Variants in RBFOX1 observed in about 807,000 individuals in gnomAD.
The protein encoded by RBFOX1 is RNA binding protein fox-1 homolog 1.
A neutral mutation model predicts 57.7 loss-of-function variants in RBFOX1; 8 were observed. The observed-to-expected ratio is 0.14, with a 90% CI of 0.08 to 0.25. The LOEUF (loss-of-function observed/expected upper bound fraction) is 0.25. Among genes scored for constraint, RBFOX1 ranks in the 10% least tolerant of loss-of-function variants. The pLI is 1.00. For missense variants in RBFOX1, 611 were observed against 548.5 expected, an observed-to-expected ratio of 1.11 and a Z score of -1.14; for synonymous variants, 326 against 222.4, an observed-to-expected ratio of 1.47 and a Z score of -4.15.
intron 4 of RBFOX1, among the ~76,000 whole-genome samples, chr16:7,448,127 C>T (rs9922995): frequency 0.012 from 1,786 of 152,346 alleles, 42 homozygotes; most frequent in African/African-American, 0.041. Flanking sequence ...GGATGAATGG[C>T]AGCTGCCAAG....
intron 4 of RBFOX1, among the ~76,000 whole-genome samples, chr16:5,886,868 A>G (rs536399055): frequency 4.9e-4 from 75 of 152,348 alleles, no homozygotes; most frequent in African/African-American, 1.8e-3. Context: ...AGCCTGGGCA[A>G]CGGAGTGAGA....
At chr16:6,274,944 A>G (rs1053066355) in intron 1 of RBFOX1, among the ~76,000 whole-genome samples, 2 of 152,204 alleles carry the variant, frequency 1.3e-5, no homozygotes, top group East Asian at 3.8e-4. Flanking sequence ...CATTCTGGAC[A>G]ACAGAGTGAG....
intron 3 of RBFOX1, among the ~76,000 whole-genome samples, chr16:5,856,290 C>T (rs955771876): frequency 0.2 from 6,196 of 30,818 alleles, 929 homozygotes; most frequent in Admixed American, 0.37. Context: ...TATATACACA[C>T]ACACACACAC....
chr16:7,680,217 G>A (rs926059959), intron 14 of RBFOX1, among the ~76,000 whole-genome samples: 4 of 152,166 alleles, frequency 2.6e-5, no homozygotes, highest in African/African-American at 9.7e-5. Flanking sequence ...TTGGCTCATG[G>A]TTTGTGTATT....
chr16:6,568,176 C>G (rs949408983), intron 2 of RBFOX1, among the ~76,000 whole-genome samples: 1 of 152,180 alleles, frequency 6.6e-6, no homozygotes, highest in Non-Finnish European at 1.5e-5. Context: ...ACAAAAGTTT[C>G]TTTTTCATCT....
chr16:5,343,926 G>C (rs755816803), intron 1 of RBFOX1, among the ~76,000 whole-genome samples: 6 of 152,156 alleles, frequency 3.9e-5, no homozygotes, highest in African/African-American at 9.7e-5. Context: ...ATGTGTGCTT[G>C]TGTCTCTTTC....
In RBFOX1 at chr16:5,795,377, C is replaced by T. The variant is rs538106306; in HGVS notation, c.319-71926C>T. On this transcript the variant is annotated intron_variant, in intron 3 of 19. Coordinates refer to the RBFOX1 transcript ENST00000641259. ...GGAGTGCAGTGGCGAGATCATGGCT[C>T]ATTGCTGTGTCAATCTTCTGGGCTC... Among the ~76,000 whole-genome samples, 28 of 152,048 alleles carry T rather than the reference C, an allele frequency of 1.8e-4. 1 individual carries two copies. The South Asian group carries it at 5.8e-3, about 32-fold the overall frequency.
At chr16:5,407,516 G>A (rs1316369870) in intron 1 of RBFOX1, among the ~76,000 whole-genome samples, 2 of 152,134 alleles carry the variant, frequency 1.3e-5, no homozygotes, top group African/African-American at 2.4e-5. Context: ...GGTACTGGCA[G>A]CACTGGCCCC....
At chr16:7,244,559 A>G (rs904479694) in intron 4 of RBFOX1, among the ~76,000 whole-genome samples, 6 of 152,172 alleles carry the variant, frequency 3.9e-5, no homozygotes, top group Non-Finnish European at 8.8e-5. Context: ...CTCAGTTGCA[A>G]TGCTCCTAGA....
intron 4 of RBFOX1, among the ~76,000 whole-genome samples, chr16:7,242,662 TC>T (rs2094124437): frequency 1.3e-5 from 2 of 152,156 alleles, no homozygotes. Context: ...CAGTCCAACA[TC>T]CGTGCTTCGT....
At chr16:6,267,971 C>A (rs969861609) in intron 1 of RBFOX1, among the ~76,000 whole-genome samples, 1 of 152,154 alleles carries the variant, frequency 6.6e-6, no homozygotes, top group African/African-American at 2.4e-5. Context: ...AGTAATTAAC[C>A]CCTGTGTCTT....
chr16:7,438,785 C>T (rs1389241022), intron 4 of RBFOX1, among the ~76,000 whole-genome samples: 1 of 152,174 alleles, frequency 6.6e-6, no homozygotes, highest in Non-Finnish European at 1.5e-5. Flanking sequence ...GTCAATAATT[C>T]AATAGCGTAG....
chr16:6,870,231 G>T (rs1318171745), intron 3 of RBFOX1, among the ~76,000 whole-genome samples: 1 of 152,082 alleles, frequency 6.6e-6, no homozygotes, highest in Non-Finnish European at 1.5e-5. Context: ...AAGAGAGTTA[G>T]CAGCCTGGGG....
At chr16:6,783,254 G>A (rs528733248) in intron 3 of RBFOX1, among the ~76,000 whole-genome samples, 4 of 151,224 alleles carry the variant, frequency 2.6e-5, no homozygotes, top group Admixed American at 6.6e-5. Context: ...TGATAGGTGA[G>A]GACTTACTAC....
At chr16:7,491,952 T>A (rs1006427574) in intron 4 of RBFOX1, among the ~76,000 whole-genome samples, 13 of 152,230 alleles carry the variant, frequency 8.5e-5, no homozygotes, top group African/African-American at 3.1e-4. Flanking sequence ...TCATTCTGAA[T>A]ATTGATGATT....
At chr16:6,530,397 A>T (rs1258002463) in intron 2 of RBFOX1, among the ~76,000 whole-genome samples, 3 of 152,168 alleles carry the variant, frequency 2.0e-5, no homozygotes, top group African/African-American at 7.2e-5. Flanking sequence ...CAAGAGGCTC[A>T]CCTGCAAGAT....
At chr16:7,531,778 C>G (rs760334357) in intron 5 of RBFOX1, among the ~76,000 whole-genome samples, 3 of 152,172 alleles carry the variant, frequency 2.0e-5, no homozygotes, top group Non-Finnish European at 2.9e-5. Flanking sequence ...ACATTCCCTG[C>G]TAACTATTTC....
At chr16:6,960,362 T>G (rs1023957491) in intron 3 of RBFOX1, among the ~76,000 whole-genome samples, 14 of 152,170 alleles carry the variant, frequency 9.2e-5, no homozygotes, top group Non-Finnish European at 1.3e-4. Flanking sequence ...AGAAGCTGTA[T>G]AAGCTCTGGA....
intron 1 of RBFOX1, among the ~76,000 whole-genome samples, chr16:5,409,019 G>C (rs779701433): frequency 6.6e-6 from 1 of 152,200 alleles, no homozygotes; most frequent in African/African-American, 2.4e-5. Context: ...GTATCGGCGG[G>C]TGAAACCTGT....
Sources: gnomAD v4.1 joint callset for allele counts (sites outside exome capture counted in the v4.1 genomes callset) on GRCh38, gnomAD v4.1.1 for gene constraint, MANE v1.5 for transcripts, NCBI Gene and HGNC (gene_info 2026-07-23, HGNC 2026-07-21) for gene names.